The following PRKAR1B variants were observed in gnomAD, a reference collection of about 807,000 sequenced individuals.
The protein encoded by PRKAR1B is protein kinase cAMP-dependent type I regulatory subunit beta, also known as cAMP-dependent protein kinase type I-beta regulatory subunit.
PRKAR1B carries 22 observed loss-of-function variants against 46.5 expected under a neutral mutation model. That is an observed-to-expected ratio of 0.47 (90% CI 0.34 to 0.68). The LOEUF is 0.68. PRKAR1B is among the 30% of genes least tolerant of loss of function. The pLI, the probability that PRKAR1B is intolerant of heterozygous loss-of-function variation, is 0.01. For synonymous variants in PRKAR1B, 259 were observed against 217.7 expected (o/e 1.19, Z -1.67); for missense variants, 445 against 535.6 (o/e 0.83, Z 1.67).
At chr7:578,977 C>T (rs1051341582) in intron 9 of PRKAR1B, 158 of 1,256,058 alleles carry the variant, frequency 1.3e-4, no homozygotes, top group Non-Finnish European at 1.6e-4. Flanking sequence ...CCGCCGCGCC[C>T]GGCCAGTTTC....
rs143981970 is a variant in PRKAR1B at position 601,000 on chromosome 7, T to C, written c.550-4696A>G. 2.6e-3 allele frequency among the ~76,000 whole-genome samples: 390 copies of C among 152,348 alleles called. 9 individuals are homozygous for C. In the East Asian group the frequency reaches 0.068, roughly 27 times the overall value. The stretch of plus-strand genomic sequence containing the variant: ...AACTGAACCTGGTGCTCTTGGCATT[T>C]TGTCACCTGGCCGTCCCCCTGGACG... On this transcript the variant is annotated intron_variant, in intron 6 of 10. Coordinates refer to ENST00000537384, the MANE Select transcript of PRKAR1B (RefSeq NM_001164760.2).
At chr7:696,054 G>A (rs1050379513) in intron 2 of PRKAR1B, among the ~76,000 whole-genome samples, 11 of 137,660 alleles carry the variant, frequency 8.0e-5, no homozygotes, top group Admixed American at 5.6e-4. Context: ...CTGCAGCCTC[G>A]ACCACCCAGG....
At position 606,123 on chromosome 7, in the gene PRKAR1B, T is replaced by C. The variant is rs938985063; in HGVS notation, c.549+70A>G. On this transcript the variant is annotated intron_variant, in intron 6 of 10. Coordinates refer to ENST00000537384, the MANE Select transcript of PRKAR1B (RefSeq NM_001164760.2). ...TGTTTGTTGGGGGCCTGGTGCTGCC[T>C]GGAGGGCAAGTCTTCACACCGGACA... The C allele has an allele frequency of 1.5e-5, 23 of 1,511,298 alleles. No individual in the cohort carries two copies. The African/African-American group carries it at 3.0e-4, about 20-fold the overall frequency. 93.6% of individuals were successfully genotyped at this position (1,511,298 alleles called of 1,614,324 possible).
intron 4 of PRKAR1B, among the ~76,000 whole-genome samples, chr7:630,233 C>A (rs566327787): frequency 2.6e-5 from 4 of 152,206 alleles, no homozygotes; most frequent in Non-Finnish European, 5.9e-5. Flanking sequence ...CCAGGCCAGG[C>A]GAAGGTGACC....
intron 2 of PRKAR1B, among the ~76,000 whole-genome samples, chr7:709,368 TTTC>T (rs1185632501): frequency 1.6e-5 from 2 of 128,428 alleles, no homozygotes; most frequent in Non-Finnish European, 3.2e-5. Flanking sequence ...TGTGTATGTA[TTTC>T]TTTTTTTTTT....
Position 714,859 on chromosome 7 carries a change from TC to T in PRKAR1B, c.-22-3333del, listed in dbSNP as rs1199544494. ...GTCCTCAAACCAAACCTGAGGCCCT[TC>T]CCGTATCTGGACTTCCCAATTATGT... On this transcript the variant is annotated intron_variant, in intron 1 of 10. Transcript: ENST00000537384. The surrounding 1 kb of genome is among the most constrained non-coding windows in gnomAD (Gnocchi z 4.3). Among the ~76,000 whole-genome samples, 3 of 152,296 alleles carry T rather than the reference TC, an allele frequency of 2.0e-5. No individual in the cohort carries two copies. The highest frequency in any genetic ancestry group is 7.2e-5 in the African/African-American group (3 of 41,562).
Position 711,320 on chromosome 7 carries a change from G to A in PRKAR1B, c.177+9C>T, listed in dbSNP as rs778288738. 1.9e-6 allele frequency: 3 copies of A among 1,613,918 alleles called. No homozygotes were observed. Among genetic ancestry groups the A allele is most frequent in the Non-Finnish European group, 1.7e-6 (2 of 1,179,832 alleles). On this transcript the variant is annotated intron_variant, in intron 2 of 10. Coordinates refer to ENST00000537384, the MANE Select transcript of PRKAR1B (RefSeq NM_001164760.2). ...CGAAGGGAAGCAGCGGGCGGCGGGGGCCACTCACCTTCTCCAGCTTCTCGA... is the reference window on the plus strand; with the variant it reads ...CGAAGGGAAGCAGCGGGCGGCGGGGACCACTCACCTTCTCCAGCTTCTCGA...
At chr7:715,031 C>CA (rs1780824268) in intron 1 of PRKAR1B, among the ~76,000 whole-genome samples, 2 of 152,030 alleles carry the variant, frequency 1.3e-5, no homozygotes, top group African/African-American at 4.8e-5. Flanking sequence ...ACTAGAAATA[C>CA]AAAATTAGCC....
At chr7:583,447 T>A (rs368543286) in intron 8 of PRKAR1B, among the ~76,000 whole-genome samples, 4 of 48,048 alleles carry the variant, frequency 8.3e-5, no homozygotes, top group African/African-American at 2.9e-4. Context: ...CAGTGCACAC[T>A]CACACCCACT....
At chr7:635,089 C>T (rs1259280702) in intron 4 of PRKAR1B, among the ~76,000 whole-genome samples, 3 of 152,206 alleles carry the variant, frequency 2.0e-5, no homozygotes, top group Non-Finnish European at 4.4e-5. Flanking sequence ...TGATACTCTC[C>T]TTGCAACGTT....
In PRKAR1B at chr7:550,242, T is replaced by C; in HGVS notation, c.*188A>G. On this transcript the variant is annotated 3_prime_UTR_variant, in exon 11 of 11. Coordinates refer to ENST00000537384, the MANE Select transcript of PRKAR1B (RefSeq NM_001164760.2). ...GGATGCATTTTGTCCGCTTGTCCTT[T>C]GATTTGGAAATGCACAAGGTGATCA... 1.7e-6 allele frequency: 1 copy of C among 592,182 alleles called. No individual in the cohort carries two copies. The highest frequency in any genetic ancestry group is 3.0e-6 in the Non-Finnish European group (1 of 332,940). 36.7% of individuals were successfully genotyped at this position (592,182 alleles called of 1,614,324 possible). A position where few individuals can be genotyped will look rare whatever the true frequency, so the allele number is the denominator to read the frequency against.
chr7:600,802 A>T (rs1781545862), intron 6 of PRKAR1B, among the ~76,000 whole-genome samples: 1 of 152,254 alleles, frequency 6.6e-6, no homozygotes, highest in African/African-American at 2.4e-5. Flanking sequence ...GAAGGGAGCT[A>T]CGTTCCCAGG....
intron 8 of PRKAR1B, among the ~76,000 whole-genome samples, chr7:581,365 A>G (rs62431419): frequency 0.43 from 64,440 of 150,906 alleles, 14,468 homozygotes; most frequent in African/African-American, 0.51. Context: ...TTCAGAACCC[A>G]GGCGTGCTCC....
chr7:562,769 C>T (rs1778882021), intron 9 of PRKAR1B, among the ~76,000 whole-genome samples: 1 of 152,222 alleles, frequency 6.6e-6, no homozygotes, highest in Non-Finnish European at 1.5e-5. Flanking sequence ...TTCTCTTCCT[C>T]CCTGGATCTT....
intron 1 of PRKAR1B, among the ~76,000 whole-genome samples, chr7:719,280 T>C (rs1274630725): frequency 6.6e-6 from 1 of 152,142 alleles, no homozygotes; most frequent in Non-Finnish European, 1.5e-5. Context: ...GCTCAAGTGA[T>C]CCACCCGCCT....
intron 4 of PRKAR1B, among the ~76,000 whole-genome samples, chr7:672,889 T>G (rs1786345606): frequency 6.6e-6 from 1 of 151,396 alleles, no homozygotes; most frequent in South Asian, 2.1e-4. Context: ...AAATAATTTT[T>G]TTTTAATTAG....
At chr7:598,614 T>C (rs917841351) in intron 6 of PRKAR1B, among the ~76,000 whole-genome samples, 16 of 147,736 alleles carry the variant, frequency 1.1e-4, no homozygotes, top group Middle Eastern at 6.9e-3. Context: ...CTAAACATCA[T>C]CACCCTCCCT....
intron 2 of PRKAR1B, among the ~76,000 whole-genome samples, chr7:681,749 C>T (rs912644251): frequency 6.6e-6 from 1 of 152,222 alleles, no homozygotes; most frequent in Non-Finnish European, 1.5e-5. Context: ...CAGACAAGTG[C>T]TTCGACCACT....
chr7:563,218 C>T (rs543498012), intron 9 of PRKAR1B, among the ~76,000 whole-genome samples: 2 of 152,204 alleles, frequency 1.3e-5, no homozygotes, highest in South Asian at 2.1e-4. Context: ...CCCGTGCCCT[C>T]GGCCCCCACC....
Sources: allele counts gnomAD v4.1 joint callset (sites outside exome capture counted in the v4.1 genomes callset), GRCh38; gene constraint gnomAD v4.1.1; non-coding constraint Gnocchi (gnomAD v3.1); transcripts MANE v1.5; gene names NCBI Gene and HGNC (gene_info 2026-07-23, HGNC 2026-07-21).